The following ARID4A variants were observed in gnomAD, a reference collection of about 807,000 sequenced individuals.
ARID4A encodes AT-rich interaction domain 4A, also known as AT-rich interactive domain-containing protein 4A.
Under a neutral mutation model 148.6 loss-of-function variants are expected in ARID4A, and 39 were observed. That is an observed-to-expected ratio of 0.26 (90% CI 0.20 to 0.34). The LOEUF (loss-of-function observed/expected upper bound fraction) is 0.34. ARID4A is among the 10% of genes least tolerant of loss of function. The probability of loss-of-function intolerance (pLI) is 1.00; values close to 1 mark genes in which losing one functional copy is unlikely to be tolerated. For synonymous variants in ARID4A, 475 were observed against 481.2 expected, an observed-to-expected ratio of 0.99 and a Z score of 0.17; for missense variants, 1,265 against 1,449.1, an observed-to-expected ratio of 0.87 and a Z score of 2.06.
chr14:58,324,155 C>G (rs568689932), intron 8 of ARID4A, among the ~76,000 whole-genome samples: 5 of 152,098 alleles, frequency 3.3e-5, no homozygotes, highest in Admixed American at 3.3e-4. Context: ...CCGCCCACCT[C>G]GGCCTCCAAA....
Position 58,364,277 on chromosome 14 carries a change from G to C in ARID4A, c.2188G>C (p.Asp730His). Reference protein sequence around the residue: ...ELEKNENLNDDKLDEENPKIS... With the variant: ...ELEKNENLNDHKLDEENPKIS... ...AGAAAAAAATGAAAATTTGAATGAT[G>C]ATAAGCTAGATGAAGAAAATCCAAA... is the stretch of plus-strand genomic sequence containing the variant. Residue 730 changes from aspartate to histidine, a missense_variant, in exon 20 of 24, where the codon GAT becomes CAT. Physicochemically the swap from Asp to His is moderately conservative, Grantham distance 81 (BLOSUM62 -1). Transcript: ENST00000355431. The C allele has an allele frequency of 6.4e-7, 1 of 1,556,886 alleles. No homozygotes were observed. The highest frequency in any genetic ancestry group is 8.6e-7 in the Non-Finnish European group (1 of 1,161,936).
chr14:58,324,135 A>G (rs1319554502), intron 8 of ARID4A, among the ~76,000 whole-genome samples: 2 of 151,702 alleles, frequency 1.3e-5, no homozygotes, highest in African/African-American at 4.8e-5. Flanking sequence ...CGATCTCCTG[A>G]CCTCATGGTC....
At chr14:58,323,337 C>A in intron 7 of ARID4A, 148 bp from the exon 8 acceptor site, 2 of 898,696 alleles carry the variant, frequency 2.2e-6, no homozygotes, top group Non-Finnish European at 3.3e-6. Flanking sequence ...TAAGGAAGGA[C>A]CCATGTCTTC....
chr14:58,315,346 A>T (rs1165215971), intron 5 of ARID4A, among the ~76,000 whole-genome samples: 3 of 152,164 alleles, frequency 2.0e-5, no homozygotes, highest in Non-Finnish European at 2.9e-5. Flanking sequence ...TGAATTGTTG[A>T]AATTCAAAAA....
intron 11 of ARID4A, among the ~76,000 whole-genome samples, chr14:58,340,807 C>T (rs1200694651): frequency 6.6e-6 from 1 of 152,178 alleles, no homozygotes; most frequent in Admixed American, 6.5e-5. Context: ...TAAGAACATC[C>T]TCAACTATTC....
chr14:58,326,144 G>A (rs2033196571), intron 8 of ARID4A, among the ~76,000 whole-genome samples: 1 of 151,980 alleles, frequency 6.6e-6, no homozygotes, highest in Non-Finnish European at 1.5e-5. Flanking sequence ...CTTCACTAGA[G>A]GAAACAAAAA....
At chr14:58,365,422 A>AAAAG in intron 20 of ARID4A, 96 bp from the exon 21 acceptor site, 1 of 1,409,344 alleles carries the variant, frequency 7.1e-7, no homozygotes, top group Non-Finnish European at 9.5e-7. Flanking sequence ...TTTCTTATTA[A>AAAAG]AAAGAAAGAA....
At chr14:58,331,208 G>A (rs1055815697) in intron 11 of ARID4A, 2 of 152,194 alleles carry the variant, frequency 1.3e-5, no homozygotes, top group African/African-American at 4.8e-5. Flanking sequence ...CTACAGAGTT[G>A]CCATAGTAAC....
rs201340682 is a variant in ARID4A at position 58,310,715 on chromosome 14, AT to A, written c.274+4620del. Among the ~76,000 whole-genome samples, 927 of 140,632 alleles carry A rather than the reference AT, an allele frequency of 6.6e-3. 1 individual carries two copies. The highest frequency in any genetic ancestry group is 9.0e-3 in the Admixed American group (125 of 13,938). The allele number at this position is 140,632 out of a possible 152,430, so 92.3% of individuals were successfully genotyped here. A position where few individuals can be genotyped will look rare whatever the true frequency, so the allele number is the denominator to read the frequency against. ...CTTTATGACACTGGCCCGGGCATTGATTTTTTTTTTTTTTTTTAATGACCCC... is the reference window on the plus strand; with the variant it reads ...CTTTATGACACTGGCCCGGGCATTGATTTTTTTTTTTTTTTTAATGACCCC... On this transcript the variant is annotated intron_variant, in intron 5 of 23. Coordinates refer to ENST00000355431, the MANE Select transcript of ARID4A (RefSeq NM_002892.4).
At chr14:58,362,406 T>C (rs1787970517) in intron 19 of ARID4A, among the ~76,000 whole-genome samples, 1 of 151,972 alleles carries the variant, frequency 6.6e-6, no homozygotes, top group Non-Finnish European at 1.5e-5. Context: ...CAGGGCAACA[T>C]AGTGAGACCC....
intron 12 of ARID4A, 84 bp downstream of exon 12, chr14:58,344,851 G>A (rs2034279626): frequency 3.0e-6 from 3 of 985,708 alleles, no homozygotes; most frequent in South Asian, 1.5e-5. Flanking sequence ...TGTTAGTATT[G>A]CAGATAAACA....
chr14:58,338,650 G>A (rs2033950734), intron 11 of ARID4A, among the ~76,000 whole-genome samples: 1 of 152,050 alleles, frequency 6.6e-6, no homozygotes, highest in African/African-American at 2.4e-5. Context: ...GGGGTGAGAA[G>A]GGTAGCCCAT....
intron 23 of ARID4A, 108 bp downstream of exon 23, chr14:58,367,137 T>A: frequency 1.2e-6 from 1 of 860,006 alleles, no homozygotes; most frequent in Non-Finnish European, 1.6e-6. Flanking sequence ...CATTAATTGC[T>A]GTTTTTAAAT....
At chr14:58,354,508 C>T (rs777245692) in intron 17 of ARID4A, among the ~76,000 whole-genome samples, 17 of 151,654 alleles carry the variant, frequency 1.1e-4, no homozygotes, top group Non-Finnish European at 1.8e-4. Context: ...CATAGTTAGA[C>T]CCCCATCTCT....
intron 9 of ARID4A, among the ~76,000 whole-genome samples, chr14:58,328,532 T>C (rs1211725592): frequency 6.6e-6 from 1 of 152,134 alleles, no homozygotes; most frequent in Non-Finnish European, 1.5e-5. Flanking sequence ...AGAACAATAT[T>C]AAGAACAGTT....
intron 16 of ARID4A, 48 bp downstream of exon 16, chr14:58,351,371 A>ATTC: frequency 6.4e-7 from 1 of 1,555,370 alleles, no homozygotes; most frequent in Non-Finnish European, 8.6e-7. Context: ...CTGGGGTACA[A>ATTC]CAGCGCTTTG....
intron 11 of ARID4A, among the ~76,000 whole-genome samples, chr14:58,343,399 C>T (rs536337741): frequency 6.6e-6 from 1 of 152,254 alleles, no homozygotes; most frequent in Admixed American, 6.5e-5. Flanking sequence ...TTTTGATCAA[C>T]TACATGCTTA....
At position 58,302,185 on chromosome 14, in the gene ARID4A, C is replaced by G. The variant is rs538759824; in HGVS notation, c.117+495C>G. On this transcript the variant is annotated intron_variant, in intron 3 of 23. Coordinates refer to ENST00000355431, the MANE Select transcript of ARID4A (RefSeq NM_002892.4). ...GCAGCCTGGCCAACGTGGCGAAACC[C>G]TGTCTCTACTAAAATTGCAAAAATT... Among the ~76,000 whole-genome samples the G allele has an allele frequency of 2.9e-4, 44 of 152,166 alleles. 1 individual carries two copies. Among genetic ancestry groups the G allele is most frequent in the Non-Finnish European group, 5.9e-4 (40 of 68,008 alleles).
chr14:58,365,489 T>TTTC, intron 20 of ARID4A, 29 bp from the exon 21 acceptor site: 3 of 985,678 alleles, frequency 3.0e-6, no homozygotes, highest in East Asian at 3.2e-5. Context: ...TTTTTTTTTT[T>TTTC]CAACATTCTC....
Sources: gnomAD v4.1 joint callset for allele counts (sites outside exome capture counted in the v4.1 genomes callset) on GRCh38, gnomAD v4.1.1 for gene constraint, MANE v1.5 for transcripts, NCBI Gene and HGNC (gene_info 2026-07-23, HGNC 2026-07-21) for gene names.